GNAI1: variants seen among roughly 807,000 people sequenced by gnomAD.
GNAI1 encodes the protein guanine nucleotide-binding protein G(i) subunit alpha-1.
Under a neutral mutation model 38.9 loss-of-function variants are expected in GNAI1, and 11 were observed. The ratio of observed to expected loss-of-function variants is 0.28; its 90% CI spans 0.18 to 0.47. The LOEUF (loss-of-function observed/expected upper bound fraction) is 0.47. GNAI1 is among the 20% of genes least tolerant of loss of function. GNAI1 has a pLI of 0.99. For synonymous variants in GNAI1, 166 were observed against 145.1 expected, an observed-to-expected ratio of 1.14 and a Z score of -1.04; for missense variants, 317 against 436.9, an observed-to-expected ratio of 0.73 and a Z score of 2.45.
chr7:80,178,638 C>G (rs766195185), intron 1 of GNAI1, among the ~76,000 whole-genome samples: 3 of 152,124 alleles, frequency 2.0e-5, no homozygotes, highest in Admixed American at 6.5e-5. Context: ...AAGGTATGTA[C>G]ATTTTTTAGA....
rs1172481288 is a variant in GNAI1 at position 80,219,049 on chromosome 7, G to GTGTGTC, written c.*1561_*1562insCTGTGT. On this transcript the variant is annotated 3_prime_UTR_variant, in exon 8 of 8. Transcript: ENST00000649796. ...TATTTGTGTGTGTGTGTGTGTGTGT[G>GTGTGTC]TGTGTGTGTGTAACCATAAACTATA... 6.6e-6 allele frequency: 1 copy of GTGTGTC among 152,288 alleles called. No individual in the cohort carries two copies. The highest frequency in any genetic ancestry group is 1.9e-4 in the East Asian group (1 of 5,186). The allele number at this position is 152,288 out of a possible 1,614,324, so 9.4% of individuals were successfully genotyped here.
chr7:80,218,707 C>A lies in GNAI1; in HGVS notation c.*1214C>A, dbSNP rs534056177. 2 of 152,168 alleles carry A rather than the reference C, an allele frequency of 1.3e-5. No individual in the cohort carries two copies. The highest frequency in any genetic ancestry group is 4.8e-5 in the African/African-American group (2 of 41,526). The allele number at this position is 152,168 out of a possible 1,614,324, so 9.4% of individuals were successfully genotyped here. ...TTTCTCCACTTGCTTGAGATTATAT[C>A]ATTTCTTTTTCAATTATACTATTAT... is the stretch of plus-strand genomic sequence containing the variant. On this transcript the variant is annotated 3_prime_UTR_variant, in exon 8 of 8. Coordinates refer to ENST00000649796, the MANE Select transcript of GNAI1 (RefSeq NM_002069.6).
chr7:80,156,962 A>G (rs1787830006), intron 1 of GNAI1, among the ~76,000 whole-genome samples: 1 of 152,204 alleles, frequency 6.6e-6, no homozygotes, highest in African/African-American at 2.4e-5. Flanking sequence ...GTGACACATC[A>G]TCATTCAAAG....
chr7:80,206,040 G>T (rs1788769379), intron 5 of GNAI1, among the ~76,000 whole-genome samples: 1 of 152,062 alleles, frequency 6.6e-6, no homozygotes, highest in African/African-American at 2.4e-5. Context: ...TCATAAAGAA[G>T]TCTCACTGTT....
intron 3 of GNAI1, among the ~76,000 whole-genome samples, chr7:80,190,293 C>T (rs540532920): frequency 1.3e-5 from 2 of 151,980 alleles, no homozygotes; most frequent in East Asian, 3.9e-4. Flanking sequence ...AGTTACTGAG[C>T]TATATTAATT....
intron 1 of GNAI1, among the ~76,000 whole-genome samples, chr7:80,180,965 G>T (rs1371646969): frequency 6.6e-6 from 1 of 151,840 alleles, no homozygotes; most frequent in African/African-American, 2.4e-5. Flanking sequence ...AATGGCTTTT[G>T]TGGGCCAGAT....
rs1424551895 is a variant in GNAI1 at position 80,172,535 on chromosome 7, A to G, written c.119-16416A>G. Among the ~76,000 whole-genome samples the G allele has an allele frequency of 2.6e-5, 4 of 152,202 alleles. 1 individual carries two copies. Among genetic ancestry groups the G allele is most frequent in the Non-Finnish European group, 5.9e-5 (4 of 68,028 alleles). On this transcript the variant is annotated intron_variant, in intron 1 of 7. Coordinates refer to ENST00000649796, the MANE Select transcript of GNAI1 (RefSeq NM_002069.6). The stretch of plus-strand genomic sequence containing the variant: ...CTTCTATTCAGCAATCTTTTGATGT[A>G]GAGTCATGACCTTTTTTTTCTTGAA...
chr7:80,174,471 A>C (rs968248254), intron 1 of GNAI1, among the ~76,000 whole-genome samples: 6 of 147,102 alleles, frequency 4.1e-5, no homozygotes, highest in Non-Finnish European at 9.0e-5. Context: ...TTTTTTTTAG[A>C]ATATTGGTAT....
At chr7:80,187,233 G>GTGTGTCTT (rs1788403975) in intron 1 of GNAI1, 2 of 148,214 alleles carry the variant, frequency 1.3e-5, no homozygotes, top group African/African-American at 5.0e-5. Flanking sequence ...GTGTGTGTGT[G>GTGTGTCTT]TGTGTGTCTT....
chr7:80,199,356 G>T lies in GNAI1; in HGVS notation c.435G>T (p.Glu145Asp). 6.2e-7 allele frequency: 1 copy of T among 1,609,896 alleles called. No homozygotes were observed. The highest frequency in any genetic ancestry group is 8.5e-7 in the Non-Finnish European group (1 of 1,177,520). Residue 145 changes from glutamate (E) to aspartate (D), a missense_variant, in exon 4 of 8, where the codon GAG becomes GAT. Transcript: ENST00000649796. ...AAGCCTGTTTCAACAGATCCCGAGA[G>T]TACCAGCTTAATGATTCTGCAGCAT... is the stretch of plus-strand genomic sequence containing the variant. ...GVQACFNRSR[E>D]YQLNDSAAYY...
At chr7:80,154,819 T>A (rs1317198751) in intron 1 of GNAI1, among the ~76,000 whole-genome samples, 1 of 152,246 alleles carries the variant, frequency 6.6e-6, no homozygotes, top group East Asian at 1.9e-4. Flanking sequence ...AGTGGAGCTT[T>A]GGGCTCAGCA....
At chr7:80,190,086 A>G (rs1788455661) in intron 3 of GNAI1, among the ~76,000 whole-genome samples, 1 of 151,980 alleles carries the variant, frequency 6.6e-6, no homozygotes, top group South Asian at 2.1e-4. Flanking sequence ...TCCTACTAAT[A>G]CTATGAAGAT....
intron 1 of GNAI1, among the ~76,000 whole-genome samples, chr7:80,151,843 A>G (rs1389146148): frequency 6.6e-6 from 1 of 152,178 alleles, no homozygotes; most frequent in African/African-American, 2.4e-5. Context: ...TGGCAAAAGA[A>G]ACCAAGGAAA....
chr7:80,159,659 G>C (rs67170531), intron 1 of GNAI1, among the ~76,000 whole-genome samples: 1 of 151,956 alleles, frequency 6.6e-6, no homozygotes, highest in African/African-American at 2.4e-5. Flanking sequence ...AAAAATATTC[G>C]TTGTTTCCTG....
chr7:80,139,961 A>T (rs367733103), intron 1 of GNAI1, among the ~76,000 whole-genome samples: 52 of 57,196 alleles, frequency 9.1e-4, no homozygotes, highest in African/African-American at 2.3e-3. Flanking sequence ...TCTAATTTTT[A>T]TTTTTGGCCC....
intron 1 of GNAI1, among the ~76,000 whole-genome samples, chr7:80,154,368 T>G (rs1787781015): frequency 6.6e-6 from 1 of 152,228 alleles, no homozygotes; most frequent in African/African-American, 2.4e-5. Flanking sequence ...ATTTGGTGAA[T>G]TTTGTACTTG....
chr7:80,140,873 G>A (rs1288269211), intron 1 of GNAI1, among the ~76,000 whole-genome samples: 1 of 152,118 alleles, frequency 6.6e-6, no homozygotes, highest in Non-Finnish European at 1.5e-5. Context: ...TTTTCTTCTG[G>A]AGATTCTAGA....
intron 3 of GNAI1, among the ~76,000 whole-genome samples, chr7:80,191,121 C>T (rs1788472641): frequency 6.6e-6 from 1 of 151,940 alleles, no homozygotes; most frequent in Non-Finnish European, 1.5e-5. Context: ...TTTGCTTTCT[C>T]CATCATCATT....
chr7:80,178,667 T>C (rs1489006689), intron 1 of GNAI1, among the ~76,000 whole-genome samples: 1 of 152,216 alleles, frequency 6.6e-6, no homozygotes, highest in Non-Finnish European at 1.5e-5. Context: ...TATTGCATAG[T>C]TAATATAGAC....
Sources: gnomAD v4.1 joint callset for allele counts (sites outside exome capture counted in the v4.1 genomes callset) on GRCh38, gnomAD v4.1.1 for gene constraint, MANE v1.5 for transcripts, NCBI Gene and HGNC (gene_info 2026-07-23, HGNC 2026-07-21) for gene names.